The following MMD2 variants were observed in gnomAD, a reference collection of about 807,000 sequenced individuals.
The protein encoded by MMD2 is monocyte to macrophage differentiation associated 2, also known as monocyte to macrophage differentiation factor 2.
A neutral mutation model predicts 33.5 loss-of-function variants in MMD2; 30 were observed. The observed-to-expected ratio is 0.90, with a 90% CI of 0.67 to 1.22. The LOEUF is 1.22. MMD2 is among the 50% of genes most tolerant of loss of function. MMD2 has a pLI of 0.00. For missense variants in MMD2, 364 were observed against 325.4 expected (o/e 1.12, Z -0.91); for synonymous variants, 129 against 123.0 (o/e 1.05, Z -0.32).
At chr7:4,910,251 G>A (rs1008399352) in intron 5 of MMD2, among the ~76,000 whole-genome samples, 11 of 152,066 alleles carry the variant, frequency 7.2e-5, no homozygotes, top group African/African-American at 2.4e-4. Context: ...GGGCACTTCC[G>A]ATGCTCAGCC....
chr7:4,911,348 T>C, intron 4 of MMD2, 102 bp from the exon 5 acceptor site: 2 of 868,722 alleles, frequency 2.3e-6, no homozygotes, highest in South Asian at 1.6e-5. Context: ...AGGGAAGTCC[T>C]GTCACCTGTG....
rs190188018 is a variant in MMD2 at position 4,944,854 on chromosome 7, G to A, written c.47+14117C>T. Among the ~76,000 whole-genome samples the A allele has an allele frequency of 2.6e-3, 334 of 126,422 alleles. 1 individual carries two copies. The highest frequency in any genetic ancestry group is 9.0e-3 in the African/African-American group (301 of 33,284). 82.9% of individuals were successfully genotyped at this position (126,422 alleles called of 152,430 possible). Reference sequence around the variant, plus strand: ...ACGATCTCGGCTCACTACAAGCTCCGCCTCCCAGGTTCACACCATTATCCT... The same window carrying A: ...ACGATCTCGGCTCACTACAAGCTCCACCTCCCAGGTTCACACCATTATCCT... On this transcript the variant is annotated intron_variant, in intron 1 of 6. Transcript: ENST00000401401.
chr7:4,925,998 G>A (rs1373599892), intron 1 of MMD2, among the ~76,000 whole-genome samples: 1 of 152,046 alleles, frequency 6.6e-6, no homozygotes, highest in African/African-American at 2.4e-5. Context: ...TAGAGAAGGG[G>A]TTTCACCATG....
chr7:4,925,834 A>C (rs144065956), intron 1 of MMD2, among the ~76,000 whole-genome samples: 2,593 of 152,212 alleles, frequency 0.017, 78 homozygotes, highest in African/African-American at 0.06. Context: ...TTATTTTTTG[A>C]GATGGAGTCT....
At chr7:4,935,396 T>C (rs531754773) in intron 1 of MMD2, among the ~76,000 whole-genome samples, 2 of 151,684 alleles carry the variant, frequency 1.3e-5, no homozygotes, top group South Asian at 4.2e-4. Context: ...ACCCAGAGAT[T>C]TCAGTTTATT....
At chr7:4,893,594 G>A in the MMD2 span, among the ~76,000 whole-genome samples, 376 of 151,836 alleles carry the variant, frequency 2.5e-3, 1 homozygote, top group Middle Eastern at 0.014. Flanking sequence ...GTTTTGCCAC[G>A]TTGGTCAGGC....
At chr7:4,904,843 C>G (rs1302411041), downstream of MMD2, among the ~76,000 whole-genome samples, 3 of 152,152 alleles carry the variant, frequency 2.0e-5, no homozygotes, top group Non-Finnish European at 2.9e-5. Context: ...AGGCCTGGGA[C>G]CAGTGCAAGT....
downstream of MMD2, among the ~76,000 whole-genome samples, chr7:4,905,391 AAAG>A (rs1193620840): frequency 6.8e-6 from 1 of 147,960 alleles, no homozygotes; most frequent in Non-Finnish European, 1.5e-5. The surrounding 1 kb of genome is among the most constrained non-coding windows in gnomAD (Gnocchi z 5.0). Context: ...AGGAAGGGGA[AAAG>A]GAGGAGGAAG....
At chr7:4,941,296 T>C (rs1044594893) in intron 1 of MMD2, among the ~76,000 whole-genome samples, 12 of 152,318 alleles carry the variant, frequency 7.9e-5, no homozygotes, top group African/African-American at 2.9e-4. Context: ...AGAGGCAGCC[T>C]TACTTTGAGA....
intron 1 of MMD2, among the ~76,000 whole-genome samples, chr7:4,936,418 C>T (rs557778000): frequency 2.0e-5 from 3 of 152,060 alleles, no homozygotes; most frequent in Admixed American, 2.0e-4. Context: ...GAAGACTTTG[C>T]CCCCCTCCCT....
chr7:4,917,968 G>C (rs1375813319), intron 3 of MMD2, among the ~76,000 whole-genome samples: 1 of 152,138 alleles, frequency 6.6e-6, no homozygotes, highest in East Asian at 1.9e-4. Flanking sequence ...AGACATTACA[G>C]CTTCTGCCTT....
At chr7:4,927,638 C>T (rs183951919) in intron 1 of MMD2, among the ~76,000 whole-genome samples, 4 of 152,150 alleles carry the variant, frequency 2.6e-5, no homozygotes, top group East Asian at 3.9e-4. Flanking sequence ...ACCCGGGAGG[C>T]AGAAGTTGCA....
chr7:4,897,144 G>C, the MMD2 span, among the ~76,000 whole-genome samples: 1 of 150,166 alleles, frequency 6.7e-6, no homozygotes, highest in Non-Finnish European at 1.5e-5. Context: ...ACAGGCATGA[G>C]CCACCACGCC....
intron 1 of MMD2, among the ~76,000 whole-genome samples, chr7:4,943,004 CTTTTTTTTTT>C (rs33983457): frequency 2.3e-5 from 2 of 85,694 alleles, no homozygotes. Context: ...CTGCCCTTTT[CTTTTTTTTTT>C]TTTTTTTTTT....
chr7:4,896,562 G>T, the MMD2 span, among the ~76,000 whole-genome samples: 1 of 152,168 alleles, frequency 6.6e-6, no homozygotes, highest in African/African-American at 2.4e-5. Context: ...TCAACCAACA[G>T]ATGTGTGCAT....
intron 1 of MMD2, among the ~76,000 whole-genome samples, chr7:4,929,537 T>A (rs1006354087): frequency 3.9e-5 from 6 of 151,952 alleles, no homozygotes; most frequent in Non-Finnish European, 8.8e-5. Flanking sequence ...AGTCTCTTTT[T>A]TTTTTGAGAC....
chr7:4,906,509 G>C lies in MMD2; in HGVS notation c.*887C>G. On this transcript the variant is annotated 3_prime_UTR_variant, in exon 7 of 7. Transcript: ENST00000401401. ...GGGCTGTTTGCCCCATCTTATGAATGAATAGCTCTCGTAATGTCTCTGGAT... is the reference window on the plus strand; with the variant it reads ...GGGCTGTTTGCCCCATCTTATGAATCAATAGCTCTCGTAATGTCTCTGGAT... 1 of 398,674 alleles carries C rather than the reference G, an allele frequency of 2.5e-6. No individual in the cohort carries two copies. The highest frequency in any genetic ancestry group is 4.4e-6 in the Non-Finnish European group (1 of 226,088). 24.7% of individuals were successfully genotyped at this position (398,674 alleles called of 1,614,324 possible).
chr7:4,893,202 A>G, the MMD2 span, among the ~76,000 whole-genome samples: 1 of 152,012 alleles, frequency 6.6e-6, no homozygotes. Context: ...GGTCCGATCC[A>G]GACCCCAAGA....
intron 1 of MMD2, among the ~76,000 whole-genome samples, chr7:4,952,689 AT>A (rs36030563): frequency 0.54 from 60,220 of 110,508 alleles, 15,081 homozygotes; most frequent in South Asian, 0.64. Context: ...TCCGTATGAG[AT>A]TTTTTTTTTT....
Sources: gnomAD v4.1 joint callset for allele counts (sites outside exome capture counted in the v4.1 genomes callset) on GRCh38, gnomAD v4.1.1 for gene constraint, Gnocchi (gnomAD v3.1) non-coding constraint, MANE v1.5 for transcripts, NCBI Gene and HGNC (gene_info 2026-07-23, HGNC 2026-07-21) for gene names.